Variants in DCX observed in about 807,000 individuals in gnomAD.
DCX encodes the protein neuronal migration protein doublecortin.
A neutral mutation model predicts 20.9 loss-of-function variants in DCX; 4 were observed. The ratio of observed to expected loss-of-function variants is 0.19; its 90% confidence interval spans 0.09 to 0.44. The LOEUF is 0.44. Ranked by LOEUF, DCX falls within the 20% of genes least tolerant of loss-of-function variation. The pLI is 0.99. For missense variants in DCX, 133 were observed against 296.9 expected (o/e 0.45, Z 4.06); for synonymous variants, 103 against 111.4 (o/e 0.92, Z 0.47).
chrX:111,401,407 C>T, intron 2 of DCX, 77 bp from the exon 3 acceptor site: 1 of 895,444 alleles, frequency 1.1e-6, no homozygotes, highest in Non-Finnish European at 1.6e-6. Flanking sequence ...CTAATACACA[C>T]TGACACTGGA....
intron 3 of DCX, among the ~76,000 whole-genome samples, chrX:111,381,719 T>C (rs1925985274): frequency 9.0e-6 from 1 of 111,520 alleles, no homozygotes; most frequent in Non-Finnish European, 1.9e-5. Flanking sequence ...TCCCAGTAAC[T>C]ATGGTTGTCC....
chrX:111,337,497 G>A (rs992034), intron 3 of DCX, among the ~76,000 whole-genome samples: 100 of 111,564 alleles, frequency 9.0e-4, no homozygotes, highest in Admixed American at 8.8e-3. Flanking sequence ...ATTACACATG[G>A]GGAAATGGAG....
At chrX:111,368,575 A>G (rs1485436093) in intron 3 of DCX, among the ~76,000 whole-genome samples, 1 of 111,268 alleles carries the variant, frequency 9.0e-6, no homozygotes, top group Non-Finnish European at 1.9e-5. Flanking sequence ...GAACGACTTA[A>G]TAACATTGGG....
intron 1 of DCX, chrX:111,410,947 A>AATGACT: frequency 8.3e-7 from 1 of 1,210,031 alleles, no homozygotes; most frequent in Non-Finnish European, 1.1e-6. Flanking sequence ...ATTTCAGTAC[A>AATGACT]ATGACTATGA....
intron 3 of DCX, among the ~76,000 whole-genome samples, chrX:111,337,648 C>G (rs1921860134): frequency 8.9e-6 from 1 of 112,046 alleles, no homozygotes; most frequent in Non-Finnish European, 1.9e-5. Context: ...ATGCCTGGTT[C>G]TAGTAGATTC....
chrX:111,340,492 C>G (rs894819779), intron 3 of DCX, among the ~76,000 whole-genome samples: 1 of 111,735 alleles, frequency 8.9e-6, no homozygotes, highest in African/African-American at 3.3e-5. Context: ...GGTTTTCCCC[C>G]AGTGAGGCAC....
intron 3 of DCX, among the ~76,000 whole-genome samples, chrX:111,336,555 G>T (rs1349663903): frequency 8.9e-6 from 1 of 112,039 alleles, no homozygotes; most frequent in Non-Finnish European, 1.9e-5. Flanking sequence ...TTACAGGGTT[G>T]GGAAAATAGA....
rs2095029177 is a variant in DCX, at chrX:111,299,588, C to T, written c.*2099G>A. 9.0e-6 allele frequency: 1 copy of T among 111,292 alleles called. No individual in the cohort carries two copies. Among genetic ancestry groups the T allele is most frequent in the Admixed American group, 9.6e-5 (1 of 10,432 alleles). The allele number at this position is 111,292 out of a possible 1,213,427, so 9.2% of individuals were successfully genotyped here. Reference sequence around the variant, plus strand: ...CCTCCCACCATTCTTTATGCCCACACCCCCTAATCCAAGTATCACTTTTTC... The same window carrying T: ...CCTCCCACCATTCTTTATGCCCACATCCCCTAATCCAAGTATCACTTTTTC... On this transcript the variant is annotated 3_prime_UTR_variant, in exon 7 of 7. Coordinates refer to ENST00000636035, the MANE Select transcript of DCX (RefSeq NM_001195553.2).
At chrX:111,387,605 C>T (rs1377474423) in intron 3 of DCX, among the ~76,000 whole-genome samples, 1 of 112,122 alleles carries the variant, frequency 8.9e-6, no homozygotes, top group African/African-American at 3.2e-5. Context: ...TATCAACTGC[C>T]ATATTAAATA....
At chrX:111,385,718 C>CAAGAAAGCAAGGAAGGAAGG (rs1556396523) in intron 3 of DCX, among the ~76,000 whole-genome samples, 1 of 82,016 alleles carries the variant, frequency 1.2e-5, no homozygotes, top group African/African-American at 4.5e-5. Flanking sequence ...AGCAAGAAAG[C>CAAGAAAGCAAGGAAGGAAGG]AAGGAAGGAA....
At chrX:111,363,184 C>A (rs1377168328) in intron 3 of DCX, among the ~76,000 whole-genome samples, 2 of 111,142 alleles carry the variant, frequency 1.8e-5, no homozygotes, top group Non-Finnish European at 3.8e-5. Flanking sequence ...CCTGCCTAAA[C>A]TCAGGCTAAG....
intron 3 of DCX, among the ~76,000 whole-genome samples, chrX:111,371,247 T>C (rs1449154000): frequency 2.7e-5 from 3 of 112,534 alleles, no homozygotes; most frequent in African/African-American, 9.7e-5. Flanking sequence ...CGTTTTCTTA[T>C]GCATCTTCCC....
chrX:111,377,899 G>C (rs1402708797), intron 3 of DCX, among the ~76,000 whole-genome samples: 1 of 110,888 alleles, frequency 9.0e-6, no homozygotes, highest in Non-Finnish European at 1.9e-5. Flanking sequence ...GGCACAAAGA[G>C]CCCAAAGGAC....
At chrX:111,321,107 A>G (rs955724215) in intron 5 of DCX, among the ~76,000 whole-genome samples, 1 of 112,047 alleles carries the variant, frequency 8.9e-6, no homozygotes, top group East Asian at 2.8e-4. Flanking sequence ...GCTGACACCC[A>G]TCTTCAGGGC....
chrX:111,302,843 T>C (rs1402655717), intron 6 of DCX, among the ~76,000 whole-genome samples: 1 of 111,956 alleles, frequency 8.9e-6, no homozygotes, highest in Non-Finnish European at 1.9e-5. Flanking sequence ...TTTTATATTC[T>C]CTAAATAAGC....
chrX:111,310,215 C>T (rs765905629), intron 6 of DCX, among the ~76,000 whole-genome samples: 18 of 111,370 alleles, frequency 1.6e-4, no homozygotes, highest in African/African-American at 5.5e-4. Flanking sequence ...GCCTGTAGTC[C>T]CAGCTGCTCG....
chrX:111,399,322 A>T (rs1189095450), intron 3 of DCX, among the ~76,000 whole-genome samples: 1 of 111,394 alleles, frequency 9.0e-6, no homozygotes, highest in Non-Finnish European at 1.9e-5. Context: ...AGGTGTGATC[A>T]GTCCTTTTGT....
At chrX:111,303,320 C>A (rs1206514448) in intron 6 of DCX, among the ~76,000 whole-genome samples, 1 of 110,036 alleles carries the variant, frequency 9.1e-6, no homozygotes, top group Non-Finnish European at 1.9e-5. Context: ...ATTCTGTGGC[C>A]ACTTAAGAGC....
At chrX:111,389,577 G>A (rs920706753) in intron 3 of DCX, among the ~76,000 whole-genome samples, 5 of 111,577 alleles carry the variant, frequency 4.5e-5, no homozygotes, top group African/African-American at 1.6e-4. Context: ...CCATAGCCAG[G>A]TGTGGTGAGA....
Sources: gnomAD v4.1 joint callset for allele counts (sites outside exome capture counted in the v4.1 genomes callset) on GRCh38, gnomAD v4.1.1 for gene constraint, MANE v1.5 for transcripts, NCBI Gene and HGNC (gene_info 2026-07-23, HGNC 2026-07-21) for gene names.